Variants in APCDD1L observed in about 807,000 individuals in gnomAD.
APCDD1L encodes the protein protein APCDD1-like.
In APCDD1L, 21 loss-of-function variants were observed where a neutral mutation model predicts 24.2. The ratio of observed to expected loss-of-function variants is 0.87; its 90% confidence interval spans 0.61 to 1.25. The LOEUF is 1.25. APCDD1L is among the 50% of genes most tolerant of loss of function. The pLI, the probability that APCDD1L is intolerant of heterozygous loss-of-function variation, is 0.00. For missense variants in APCDD1L, 704 were observed against 711.7 expected (o/e 0.99, Z 0.12); for synonymous variants, 321 against 323.6 (o/e 0.99, Z 0.09).
chr20:58,511,267 C>T (rs552368163), intron 1 of APCDD1L, among the ~76,000 whole-genome samples: 2 of 152,292 alleles, frequency 1.3e-5, no homozygotes, highest in Non-Finnish European at 2.9e-5. Flanking sequence ...TTCTCAAGAG[C>T]CCCCCAACTC....
intron 1 of APCDD1L, among the ~76,000 whole-genome samples, chr20:58,488,745 A>G (rs1990169801): frequency 6.6e-6 from 1 of 152,268 alleles, no homozygotes; most frequent in Non-Finnish European, 1.5e-5. Flanking sequence ...GTAAACCTAT[A>G]GGCTTATGAG....
Position 58,460,596 on chromosome 20 carries a change from T to G in APCDD1L, c.*194A>C. On this transcript the variant is annotated 3_prime_UTR_variant, in exon 4 of 4. Coordinates refer to ENST00000371149, the MANE Select transcript of APCDD1L (RefSeq NM_153360.3). The surrounding 1 kb of genome is among the most constrained non-coding windows in gnomAD (Gnocchi z 4.2). ...TTGACTGGGGACCCGGGCTGTGGGA[T>G]GTGGTATAGGCTTTGCAGGGGTTAA... 2 of 549,166 alleles carry G rather than the reference T, an allele frequency of 3.6e-6. No individual in the cohort carries two copies. Among genetic ancestry groups the G allele is most frequent in the Non-Finnish European group, 5.6e-6 (2 of 355,072 alleles). The allele number at this position is 549,166 out of a possible 1,614,324, so 34.0% of individuals were successfully genotyped here.
chr20:58,487,194 CAG>C (rs1204172603), intron 1 of APCDD1L, among the ~76,000 whole-genome samples: 1 of 151,508 alleles, frequency 6.6e-6, no homozygotes, highest in Non-Finnish European at 1.5e-5. Flanking sequence ...AGGAAAAGGA[CAG>C]AACAAAAATA....
At chr20:58,487,198 A>G (rs911935035) in intron 1 of APCDD1L, among the ~76,000 whole-genome samples, 1 of 152,184 alleles carries the variant, frequency 6.6e-6, no homozygotes, top group Non-Finnish European at 1.5e-5. Context: ...AAAGGACAGA[A>G]CAAAAATACT....
chr20:58,470,669 T>C lies in APCDD1L; in HGVS notation c.128A>G (p.Asp43Gly). ...WEPHCQQPLP[D>G]RVPSTAILPP... is the part of the protein sequence containing the mutation. ...CAGGATCGCAGTGCTGGGCACTCTA[T>C]CTGGCAAGGGCTGCTGGCAGTGGGG... Residue 43 changes from aspartate to glycine, a missense_variant, in exon 2 of 4, where the codon GAT becomes GGT. Coordinates refer to ENST00000371149, the MANE Select transcript of APCDD1L (RefSeq NM_153360.3). 3.2e-6 allele frequency: 5 copies of C among 1,568,080 alleles called. No homozygotes were observed. The highest frequency in any genetic ancestry group is 4.3e-6 in the Non-Finnish European group (5 of 1,156,154).
chr20:58,511,966 A>C (rs1362372572), intron 1 of APCDD1L, among the ~76,000 whole-genome samples: 1 of 152,208 alleles, frequency 6.6e-6, no homozygotes, highest in Non-Finnish European at 1.5e-5. Context: ...CCTCCAGCAT[A>C]AATTGTTGAG....
chr20:58,483,722 C>G (rs578260900), intron 1 of APCDD1L, among the ~76,000 whole-genome samples: 1 of 152,158 alleles, frequency 6.6e-6, no homozygotes. Context: ...AGGATGATGT[C>G]GTGCACATTT....
Position 58,460,780 on chromosome 20 carries a change from A to G in APCDD1L, c.*10T>C. ...TGTCCAGAGCCGCCATCCTGATGTC[A>G]AGTCCAATGTCATAGCCAGTGGAGG... On this transcript the variant is annotated 3_prime_UTR_variant, in exon 4 of 4. Coordinates refer to ENST00000371149, the MANE Select transcript of APCDD1L (RefSeq NM_153360.3). This position sits in a 1 kb window ranked among gnomAD's most constrained non-coding sequence, Gnocchi z 4.2. The G allele has an allele frequency of 6.6e-7, 1 of 1,512,682 alleles. No homozygotes were observed. Among genetic ancestry groups the G allele is most frequent in the Non-Finnish European group, 8.8e-7 (1 of 1,130,858 alleles). The allele number at this position is 1,512,682 out of a possible 1,614,324, so 93.7% of individuals were successfully genotyped here.
In APCDD1L at chr20:58,459,409, G is replaced by A. The variant is rs551528682; in HGVS notation, c.*1381C>T. The A allele has an allele frequency of 6.6e-6, 1 of 152,026 alleles. No individual in the cohort carries two copies. Among genetic ancestry groups the A allele is most frequent in the African/African-American group, 2.4e-5 (1 of 41,438 alleles). 9.4% of individuals were successfully genotyped at this position (152,026 alleles called of 1,614,324 possible). ...GTAATAAGTGGAAGCAATTTCAGCA[G>A]GCTGACTGAACCCCACACAGTCTCA... On this transcript the variant is annotated 3_prime_UTR_variant, in exon 4 of 4. Transcript: ENST00000371149.
At chr20:58,499,002 C>T (rs534745182) in intron 1 of APCDD1L, among the ~76,000 whole-genome samples, 2 of 152,334 alleles carry the variant, frequency 1.3e-5, no homozygotes, top group South Asian at 2.1e-4. Flanking sequence ...ATAATGAGGA[C>T]ACAATTTTGG....
intron 1 of APCDD1L, among the ~76,000 whole-genome samples, chr20:58,504,653 G>C (rs1990500688): frequency 6.6e-6 from 1 of 152,182 alleles, no homozygotes. Context: ...ACCCTAGTGG[G>C]GTTCCAGTTC....
chr20:58,471,501 T>C (rs73915886), intron 1 of APCDD1L, among the ~76,000 whole-genome samples: 3,674 of 152,292 alleles, frequency 0.024, 147 homozygotes, highest in African/African-American at 0.084. Flanking sequence ...GACTGGAAGA[T>C]GGACACGGGA....
rs200471798 is a variant in APCDD1L at position 58,460,858 on chromosome 20, C to T, written c.1438G>A (p.Gly480Ser). The change falls in exon 4 of 4, where the codon GGT (glycine) becomes AGT (serine). Residue 480 changes from glycine to serine, a missense_variant. Coordinates refer to ENST00000371149, the MANE Select transcript of APCDD1L (RefSeq NM_153360.3). The surrounding 1 kb of genome is among the most constrained non-coding windows in gnomAD (Gnocchi z 4.2). ...PSLQKHPSTG[G>S]LHIAPFPLLP... The stretch of plus-strand genomic sequence containing the variant: ...AGTGGGAAGGGGGCTATGTGAAGAC[C>T]CCCTGTGCTGGGGTGCTTCTGCAGC... 5 of 1,570,678 alleles carry T rather than the reference C, an allele frequency of 3.2e-6. No individual in the cohort carries two copies. The East Asian group carries it at 9.0e-5, about 28-fold the overall frequency.
chr20:58,462,628 G>C (rs1255162337), intron 3 of APCDD1L, among the ~76,000 whole-genome samples: 1 of 152,168 alleles, frequency 6.6e-6, no homozygotes, highest in Non-Finnish European at 1.5e-5. Flanking sequence ...CAGATCACTT[G>C]AGGTCAGGAA....
chr20:58,497,207 G>C lies in APCDD1L; in HGVS notation c.49+17452C>G, dbSNP rs543539762. On this transcript the variant is annotated intron_variant, in intron 1 of 3. Transcript: ENST00000371149. This position sits in a 1 kb window ranked among gnomAD's most constrained non-coding sequence, Gnocchi z 4.3. Reference sequence around the variant, plus strand: ...GTGAAAGGGGCCTCCTGGGGGTGAGGGGGCATGCAGCGGGTGGAGGCTGAG... The same window carrying C: ...GTGAAAGGGGCCTCCTGGGGGTGAGCGGGCATGCAGCGGGTGGAGGCTGAG... Among the ~76,000 whole-genome samples the C allele has an allele frequency of 2.2e-3, 340 of 151,996 alleles. 1 individual carries two copies. Among genetic ancestry groups the C allele is most frequent in the Admixed American group, 5.2e-3 (80 of 15,288 alleles).
At chr20:58,487,394 C>A (rs1990138952) in intron 1 of APCDD1L, among the ~76,000 whole-genome samples, 2 of 134,004 alleles carry the variant, frequency 1.5e-5, no homozygotes, top group Admixed American at 8.0e-5. Context: ...TATAAATAAA[C>A]TAATTCCTTA....
chr20:58,483,571 G>C (rs781382430), intron 1 of APCDD1L, among the ~76,000 whole-genome samples: 3 of 152,206 alleles, frequency 2.0e-5, no homozygotes, highest in Non-Finnish European at 4.4e-5. Flanking sequence ...TAAGTTAAGT[G>C]AGAATGAGCT....
At chr20:58,499,379 A>T (rs1042453478) in intron 1 of APCDD1L, among the ~76,000 whole-genome samples, 3 of 152,170 alleles carry the variant, frequency 2.0e-5, no homozygotes, top group Admixed American at 6.5e-5. Flanking sequence ...GGAAGCCTGC[A>T]GCATCCCCAC....
At chr20:58,475,623 C>T (rs570595326) in intron 1 of APCDD1L, among the ~76,000 whole-genome samples, 4 of 152,188 alleles carry the variant, frequency 2.6e-5, no homozygotes, top group Admixed American at 6.5e-5. Flanking sequence ...AAGGTGAACT[C>T]GTCACCTCAC....
Sources: allele counts gnomAD v4.1 joint callset (sites outside exome capture counted in the v4.1 genomes callset), GRCh38; gene constraint gnomAD v4.1.1; non-coding constraint Gnocchi (gnomAD v3.1); transcripts MANE v1.5; gene names NCBI Gene and HGNC (gene_info 2026-07-23, HGNC 2026-07-21).